SPATA17: variants seen among roughly 807,000 people sequenced by gnomAD.
SPATA17 encodes the protein spermatogenesis-associated protein 17.
Under a neutral mutation model 62.2 loss-of-function variants are expected in SPATA17, and 53 were observed. The observed-to-expected ratio is 0.85, with a 90% CI of 0.68 to 1.07. The LOEUF (loss-of-function observed/expected upper bound fraction) is 1.07, where lower values mean the gene tolerates loss of function less well. SPATA17 is among the 50% of genes least tolerant of loss of function. The pLI, the probability that SPATA17 is intolerant of heterozygous loss-of-function variation, is 0.00. For missense variants in SPATA17, 466 were observed against 425.5 expected (o/e 1.10, Z -0.84); for synonymous variants, 146 against 146.8 (o/e 0.99, Z 0.04).
chr1:217,709,462 A>G (rs1247801219), intron 5 of SPATA17, among the ~76,000 whole-genome samples: 3 of 151,922 alleles, frequency 2.0e-5, no homozygotes, highest in Non-Finnish European at 2.9e-5. Context: ...GATTGTTGCC[A>G]TATGGATCTT....
Position 217,683,322 on chromosome 1 carries a change from A to C in SPATA17, c.356A>C (p.Glu119Ala). 1.9e-6 allele frequency: 3 copies of C among 1,610,114 alleles called. No homozygotes were observed. In the Middle Eastern group the frequency reaches 5.0e-4, roughly 266 times the overall value. Residue 119 changes from glutamate (E) to alanine (A), a missense_variant, in exon 5 of 11, where the codon GAG becomes GCG. By Grantham distance (107) the Glu-to-Ala change is moderately radical. Coordinates refer to ENST00000366933, the MANE Select transcript of SPATA17 (RefSeq NM_138796.4). ...KYLFNYYYLK[E>A]YLKVVSETND... is the part of the protein sequence containing the mutation. ...CTCTTTAATTATTATTATTTGAAAG[A>C]GTACCTGAAAGTCGTTTCAGAGACC...
rs567956629 is a variant in SPATA17 at position 217,850,889 on chromosome 1, C to CA, written c.1006-11877dup. Among the ~76,000 whole-genome samples the CA allele has an allele frequency of 5.6e-3, 842 of 151,268 alleles. 7 individuals carry two copies. Among genetic ancestry groups the CA allele is most frequent in the African/African-American group, 0.017 (686 of 41,234 alleles). ...CAGGGGGAATTACTGTGATGCAAAA[C>CA]AAAAAAAATATAAAAGGACTGTGAG... On this transcript the variant is annotated intron_variant, in intron 9 of 10. Coordinates refer to ENST00000366933, the MANE Select transcript of SPATA17 (RefSeq NM_138796.4).
intron 9 of SPATA17, among the ~76,000 whole-genome samples, chr1:217,845,750 C>T (rs934185686): frequency 1.1e-4 from 16 of 152,070 alleles, no homozygotes; most frequent in Non-Finnish European, 2.1e-4. Context: ...TAAGAATTAT[C>T]TTCCATTGTA....
intron 9 of SPATA17, among the ~76,000 whole-genome samples, chr1:217,805,770 A>G (rs1427501454): frequency 2.0e-5 from 3 of 152,256 alleles, no homozygotes; most frequent in South Asian, 4.1e-4. Context: ...TAGAATGGCT[A>G]TTAACAAAAA....
At chr1:217,708,028 C>A (rs1197744180) in intron 5 of SPATA17, among the ~76,000 whole-genome samples, 1 of 152,078 alleles carries the variant, frequency 6.6e-6, no homozygotes, top group Non-Finnish European at 1.5e-5. Flanking sequence ...ATACAACATA[C>A]CAAAATCGCT....
At chr1:217,821,306 G>A (rs958614527) in intron 9 of SPATA17, among the ~76,000 whole-genome samples, 1 of 152,098 alleles carries the variant, frequency 6.6e-6, no homozygotes, top group African/African-American at 2.4e-5. Flanking sequence ...TTTGAGGAAT[G>A]CCAATATCTA....
chr1:217,751,364 A>G (rs375907612), intron 6 of SPATA17, among the ~76,000 whole-genome samples: 36 of 152,148 alleles, frequency 2.4e-4, no homozygotes, highest in African/African-American at 8.0e-4. Flanking sequence ...TATTCTTTCA[A>G]GATTACATAG....
intron 5 of SPATA17, among the ~76,000 whole-genome samples, chr1:217,723,561 C>G (rs141663201): frequency 2.0e-5 from 3 of 152,266 alleles, no homozygotes; most frequent in Non-Finnish European, 2.9e-5. Flanking sequence ...GCCCATCCTT[C>G]CTCATAAATC....
intron 9 of SPATA17, among the ~76,000 whole-genome samples, chr1:217,830,416 C>G (rs1675112633): frequency 6.6e-6 from 1 of 152,092 alleles, no homozygotes; most frequent in Non-Finnish European, 1.5e-5. Context: ...GCATCCTGAG[C>G]CCTGTACTGA....
intron 4 of SPATA17, among the ~76,000 whole-genome samples, chr1:217,676,458 C>CT (rs1310384182): frequency 6.6e-6 from 1 of 152,130 alleles, no homozygotes; most frequent in Non-Finnish European, 1.5e-5. Flanking sequence ...AAAAGGGACT[C>CT]TAACATTTTT....
intron 5 of SPATA17, among the ~76,000 whole-genome samples, chr1:217,696,036 TG>T (rs1187271462): frequency 2.6e-5 from 4 of 151,942 alleles, no homozygotes; most frequent in Non-Finnish European, 5.9e-5. Flanking sequence ...TCGAGCTTCC[TG>T]GCTGCTTTGT....
At chr1:217,841,268 T>A (rs1675389222) in intron 9 of SPATA17, among the ~76,000 whole-genome samples, 2 of 152,018 alleles carry the variant, frequency 1.3e-5, no homozygotes, top group South Asian at 4.1e-4. Flanking sequence ...TTTTGGGACA[T>A]CAATAGGGAC....
chr1:217,701,126 C>A (rs1345162215), intron 5 of SPATA17, among the ~76,000 whole-genome samples: 2 of 150,224 alleles, frequency 1.3e-5, no homozygotes, highest in Non-Finnish European at 3.0e-5. Context: ...AGGCGCACAC[C>A]ACCACGCCTA....
At chr1:217,655,335 G>T (rs1411185727) in intron 3 of SPATA17, among the ~76,000 whole-genome samples, 4 of 152,094 alleles carry the variant, frequency 2.6e-5, no homozygotes, top group Admixed American at 6.6e-5. Context: ...TTCTGGTTAT[G>T]CATTTTTAGC....
intron 1 of SPATA17, among the ~76,000 whole-genome samples, chr1:217,641,618 C>T (rs1670063898): frequency 6.6e-6 from 1 of 152,018 alleles, no homozygotes; most frequent in South Asian, 2.1e-4. Context: ...TTATTAGATG[C>T]ATACACATAC....
At chr1:217,719,794 C>T (rs1250916190) in intron 5 of SPATA17, among the ~76,000 whole-genome samples, 4 of 152,208 alleles carry the variant, frequency 2.6e-5, no homozygotes, top group African/African-American at 7.2e-5. Flanking sequence ...GGAAGAGCCT[C>T]TCCCAACCCA....
intron 5 of SPATA17, among the ~76,000 whole-genome samples, chr1:217,704,647 T>C (rs1671692056): frequency 6.6e-6 from 1 of 152,136 alleles, no homozygotes; most frequent in Admixed American, 6.5e-5. Context: ...TGAGAACTTG[T>C]GGTATTTGAT....
chr1:217,665,015 A>T (rs1354491198), intron 3 of SPATA17, among the ~76,000 whole-genome samples: 1 of 152,126 alleles, frequency 6.6e-6, no homozygotes, highest in East Asian at 1.9e-4. Flanking sequence ...ATTTGATCAG[A>T]TTGAGGTTTA....
At chr1:217,822,533 GA>G (rs964062150) in intron 9 of SPATA17, among the ~76,000 whole-genome samples, 5 of 150,272 alleles carry the variant, frequency 3.3e-5, no homozygotes, top group African/African-American at 1.2e-4. Flanking sequence ...CACCAAACTG[GA>G]AAAATCTTAG....
Sources: allele counts gnomAD v4.1 joint callset (sites outside exome capture counted in the v4.1 genomes callset), GRCh38; gene constraint gnomAD v4.1.1; transcripts MANE v1.5; gene names NCBI Gene and HGNC (gene_info 2026-07-23, HGNC 2026-07-21).